The following GALNT17 variants were observed in gnomAD, a reference collection of about 807,000 sequenced individuals.
The protein encoded by GALNT17 is polypeptide N-acetylgalactosaminyltransferase 17.
A neutral mutation model predicts 63.7 loss-of-function variants in GALNT17; 29 were observed. The observed-to-expected ratio is 0.46, with a 90% CI of 0.34 to 0.62. The LOEUF (loss-of-function observed/expected upper bound fraction) is 0.62. Ranked by LOEUF, GALNT17 falls within the 20% of genes least tolerant of loss-of-function variation. GALNT17 has a pLI of 0.01. For synonymous variants in GALNT17, 305 were observed against 318.3 expected, an observed-to-expected ratio of 0.96 and a Z score of 0.45; for missense variants, 603 against 799.6, an observed-to-expected ratio of 0.75 and a Z score of 2.97.
At chr7:71,175,318 C>T (rs1403148366) in intron 1 of GALNT17, among the ~76,000 whole-genome samples, 1 of 152,198 alleles carries the variant, frequency 6.6e-6, no homozygotes, top group African/African-American at 2.4e-5. Flanking sequence ...AATTATCTAT[C>T]ATCTGTCCCT....
intron 1 of GALNT17, among the ~76,000 whole-genome samples, chr7:71,153,405 C>T (rs949317801): frequency 2.6e-5 from 4 of 152,152 alleles, no homozygotes; most frequent in Admixed American, 6.5e-5. Context: ...TTGGCCTTTC[C>T]GGGCCTCAGT....
intron 2 of GALNT17, among the ~76,000 whole-genome samples, chr7:71,358,807 CT>C (rs1288611868): frequency 6.6e-6 from 1 of 151,052 alleles, no homozygotes; most frequent in Non-Finnish European, 1.5e-5. Context: ...TGGTTTCGCT[CT>C]TGTTGCCCAG....
chr7:71,557,242 T>C (rs977281898), intron 5 of GALNT17, among the ~76,000 whole-genome samples: 2 of 152,184 alleles, frequency 1.3e-5, no homozygotes, highest in African/African-American at 4.8e-5. Context: ...TGCATTGATA[T>C]AGGATGTCCT....
chr7:71,394,843 T>G (rs998836681), intron 3 of GALNT17, among the ~76,000 whole-genome samples: 1 of 152,156 alleles, frequency 6.6e-6, no homozygotes, highest in Non-Finnish European at 1.5e-5. Context: ...GGCTCACACC[T>G]GTAATCCCAG....
chr7:71,384,465 A>T (rs921196465), intron 2 of GALNT17, among the ~76,000 whole-genome samples: 1 of 152,164 alleles, frequency 6.6e-6, no homozygotes, highest in African/African-American at 2.4e-5. Context: ...TCTCTGACTC[A>T]AACTACCTTT....
At chr7:71,221,631 T>C (rs1053330065) in intron 1 of GALNT17, among the ~76,000 whole-genome samples, 21 of 152,216 alleles carry the variant, frequency 1.4e-4, no homozygotes, top group African/African-American at 5.1e-4. Context: ...AAGGGACTAA[T>C]TGATAGTGCA....
chr7:71,283,202 T>C lies in GALNT17; in HGVS notation c.239-52348T>C, dbSNP rs962256349. On this transcript the variant is annotated intron_variant, in intron 1 of 10. Transcript: ENST00000333538. ...GTGTGGGCCACCATGCCTGGCTAAT[T>C]AAAAAAAAAATTTGTGTGTAGATGG... Among the ~76,000 whole-genome samples the C allele has an allele frequency of 8.0e-5, 12 of 150,360 alleles. No individual in the cohort carries two copies. In the East Asian group the frequency reaches 2.3e-3, roughly 29 times the overall value.
chr7:71,644,305 G>T (rs1435967017), intron 6 of GALNT17, among the ~76,000 whole-genome samples: 1 of 151,710 alleles, frequency 6.6e-6, no homozygotes, highest in Non-Finnish European at 1.5e-5. Flanking sequence ...GGAAGGTCAA[G>T]GTGAGCGGAT....
chr7:71,690,019 CTT>C (rs36049127), intron 9 of GALNT17, among the ~76,000 whole-genome samples: 1 of 142,824 alleles, frequency 7.0e-6, no homozygotes, highest in Non-Finnish European at 1.5e-5. Context: ...TACTGAATAT[CTT>C]TTTTTTTTTT....
chr7:71,475,458 A>G (rs1183497217), intron 5 of GALNT17, among the ~76,000 whole-genome samples: 2 of 152,160 alleles, frequency 1.3e-5, no homozygotes, highest in African/African-American at 4.8e-5. Flanking sequence ...GATCCCTCGC[A>G]TGCACAGTTC....
chr7:71,618,577 A>G (rs773980460), intron 6 of GALNT17, among the ~76,000 whole-genome samples: 1 of 151,704 alleles, frequency 6.6e-6, no homozygotes, highest in Non-Finnish European at 1.5e-5. Flanking sequence ...TATGCTCACC[A>G]TTTTTTCATG....
At chr7:71,514,347 G>A (rs1280406031) in intron 5 of GALNT17, among the ~76,000 whole-genome samples, 1 of 152,062 alleles carries the variant, frequency 6.6e-6, no homozygotes, top group East Asian at 1.9e-4. Flanking sequence ...CCAGGTGAAA[G>A]GTAAGGTACC....
chr7:71,219,988 C>A (rs185050301), intron 1 of GALNT17, among the ~76,000 whole-genome samples: 3 of 152,268 alleles, frequency 2.0e-5, no homozygotes, highest in African/African-American at 7.2e-5. Flanking sequence ...TCCTGTGAAC[C>A]TAAGTTCTCT....
intron 3 of GALNT17, among the ~76,000 whole-genome samples, chr7:71,415,390 C>T (rs369626304): frequency 6.6e-6 from 1 of 152,282 alleles, no homozygotes; most frequent in African/African-American, 2.4e-5. Flanking sequence ...TTGCCACCTG[C>T]TTGTTGCAGA....
intron 4 of GALNT17, among the ~76,000 whole-genome samples, chr7:71,418,352 G>C (rs1277968865): frequency 6.6e-6 from 1 of 152,246 alleles, no homozygotes; most frequent in Non-Finnish European, 1.5e-5. Context: ...AAGGTAGACA[G>C]TGTGTCTCAA....
chr7:71,654,444 C>A (rs1057418347), intron 6 of GALNT17, among the ~76,000 whole-genome samples: 1 of 152,242 alleles, frequency 6.6e-6, no homozygotes, highest in African/African-American at 2.4e-5. Context: ...TTGGGAACTT[C>A]TTCGTCCTTG....
At position 71,149,472 on chromosome 7, in the gene GALNT17, G is replaced by C. The variant is rs914549116; in HGVS notation, c.238+16432G>C. 5.3e-5 allele frequency among the ~76,000 whole-genome samples: 8 copies of C among 152,030 alleles called. No homozygotes were observed. The South Asian group carries it at 6.2e-4, about 12-fold the overall frequency. ...TTGGTGGCTGGGTCCAGGACTGTAG[G>C]GGGGGCGAAACGTGTGCTGGGGTGA... On this transcript the variant is annotated intron_variant, in intron 1 of 10. Coordinates refer to ENST00000333538, the MANE Select transcript of GALNT17 (RefSeq NM_022479.3).
intron 2 of GALNT17, among the ~76,000 whole-genome samples, chr7:71,384,221 T>G (rs953754537): frequency 6.6e-6 from 1 of 152,132 alleles, no homozygotes; most frequent in African/African-American, 2.4e-5. Flanking sequence ...CTCTAATGAT[T>G]AGTGATGTTG....
chr7:71,563,431 A>G (rs1420220163), intron 5 of GALNT17, among the ~76,000 whole-genome samples: 2 of 152,110 alleles, frequency 1.3e-5, no homozygotes, highest in Admixed American at 1.3e-4. Context: ...GATGGGTGGT[A>G]GCTTCCTGTT....
Sources: gnomAD v4.1 joint callset for allele counts (sites outside exome capture counted in the v4.1 genomes callset) on GRCh38, gnomAD v4.1.1 for gene constraint, MANE v1.5 for transcripts, NCBI Gene and HGNC (gene_info 2026-07-23, HGNC 2026-07-21) for gene names.